ATP6V0A2: variants seen among roughly 807,000 people sequenced by gnomAD.
The protein encoded by ATP6V0A2 is V-type proton ATPase 116 kDa subunit a 2.
Under a neutral mutation model 104.4 loss-of-function variants are expected in ATP6V0A2, and 58 were observed. That is an observed-to-expected ratio of 0.56 (90% CI 0.45 to 0.69). The LOEUF (loss-of-function observed/expected upper bound fraction) is 0.69, where lower values mean the gene tolerates loss of function less well. ATP6V0A2 is among the 30% of genes least tolerant of loss of function. The pLI, the probability that ATP6V0A2 is intolerant of heterozygous loss-of-function variation, is 0.00. For missense variants in ATP6V0A2, 938 were observed against 1,062.9 expected (o/e 0.88, Z 1.63); for synonymous variants, 376 against 397.9 (o/e 0.95, Z 0.65).
In ATP6V0A2 at chr12:123,748,777, A is replaced by C; in HGVS notation, c.1927A>C (p.Thr643Pro). 6.2e-7 allele frequency: 1 copy of C among 1,613,874 alleles called. No individual in the cohort carries two copies. Among genetic ancestry groups the C allele is most frequent in the Non-Finnish European group, 8.5e-7 (1 of 1,179,822 alleles). ...FPASKTSGLYTGQEYVQRVLL... is the reference protein window; with the variant it reads ...FPASKTSGLYPGQEYVQRVLL... ...AGCCAGTAAAACAAGTGGCCTTTAC[A>C]CAGGGCAGGTGAGTCATCTTCCCAC... The change falls in exon 15 of 20, where the codon ACA (threonine) becomes CCA (proline). Residue 643 changes from threonine (T) to proline (P), a missense_variant. Transcript: ENST00000330342.
Position 123,747,582 on chromosome 12 carries a change from TTTGTC to T in ATP6V0A2, c.1606-20_1606-16del, listed in dbSNP as rs1273756455. On this transcript the variant is annotated intron_variant, in intron 13 of 19. Transcript: ENST00000330342. ...TGTTGAAGGAAGTTAAAGATTCTGTTTTGTCTTGTTTGGTTTGGTTTTAGATTTGG... is the reference window on the plus strand; with the variant it reads ...TGTTGAAGGAAGTTAAAGATTCTGTTTTGTTTGGTTTGGTTTTAGATTTGG... 6.9e-7 allele frequency: 1 copy of T among 1,458,096 alleles called. No homozygotes were observed. The highest frequency in any genetic ancestry group is 1.4e-5 in the African/African-American group (1 of 71,784). The allele number at this position is 1,458,096 out of a possible 1,614,324, so 90.3% of individuals were successfully genotyped here. A position where few individuals can be genotyped will look rare whatever the true frequency, so the allele number is the denominator to read the frequency against.
chr12:123,720,029 T>G (rs745775995), intron 2 of ATP6V0A2, among the ~76,000 whole-genome samples: 16 of 152,334 alleles, frequency 1.1e-4, no homozygotes, highest in Non-Finnish European at 1.8e-4. Context: ...ATAAACTTAC[T>G]CACCTGACTT....
At chr12:123,748,519 C>T in intron 14 of ATP6V0A2, 56 bp from the exon 15 acceptor site, 1 of 1,347,824 alleles carries the variant, frequency 7.4e-7, no homozygotes. Context: ...TTAATTTACT[C>T]TTTTTAACTT....
intron 1 of ATP6V0A2, among the ~76,000 whole-genome samples, chr12:123,714,197 G>T (rs1466613807): frequency 2.0e-5 from 3 of 152,214 alleles, no homozygotes; most frequent in Non-Finnish European, 4.4e-5. Context: ...CACTATGAAG[G>T]TTCCAGTTTC....
intron 14 of ATP6V0A2, 69 bp downstream of exon 14, chr12:123,747,794 G>C (rs1956676621): frequency 1.0e-6 from 1 of 987,538 alleles, no homozygotes; most frequent in Admixed American, 1.7e-5. Flanking sequence ...TTTGCTTCTT[G>C]TTGGTGACTG....
At position 123,712,642 on chromosome 12, in the gene ATP6V0A2, T is replaced by TC. The variant is rs745590426; in HGVS notation, c.78dup (p.Ser27GlnfsTer28). 2.6e-5 allele frequency: 42 copies of TC among 1,609,176 alleles called. No homozygotes were observed. Among genetic ancestry groups the TC allele is most frequent in the Non-Finnish European group, 3.2e-5 (38 of 1,178,542 alleles). On this transcript the variant is annotated frameshift_variant, in exon 1 of 20. Transcript: ENST00000330342. LOFTEE classifies it high-confidence loss of function. ...CAGTCGGGCACGGCCTACGAGTGCC[T>TC]CAGCGCCCTGGGCGAGAAAGGCCTG... is the stretch of plus-strand genomic sequence containing the variant.
chr12:123,735,223 C>T (rs1210076425), intron 7 of ATP6V0A2, among the ~76,000 whole-genome samples: 1 of 151,616 alleles, frequency 6.6e-6, no homozygotes, highest in African/African-American at 2.4e-5. Flanking sequence ...TAAACCTGTT[C>T]AGTGATTCCC....
chr12:123,737,860 ATTCTT>A (rs1462919244), intron 9 of ATP6V0A2, among the ~76,000 whole-genome samples: 1 of 152,200 alleles, frequency 6.6e-6, no homozygotes, highest in African/African-American at 2.4e-5. Flanking sequence ...TATTCATACT[ATTCTT>A]TTCACTTAAT....
Position 123,756,891 on chromosome 12 carries a change from G to A in ATP6V0A2, c.2370G>A (p.Leu790=). The part of the protein sequence containing the change: ...RVDTTYGVLL[L]LPVIALFAVL... The stretch of plus-strand genomic sequence containing the variant: ...ACACCACCTATGGCGTCTTGCTACT[G>A]CTCCCGGTTATCGCGCTCTTTGCAG... The change falls in exon 19 of 20, where the codon CTG becomes CTA. Residue 790 remains leucine (L), a synonymous_variant. Coordinates refer to ENST00000330342, the MANE Select transcript of ATP6V0A2 (RefSeq NM_012463.4). The A allele has an allele frequency of 6.2e-7, 1 of 1,614,202 alleles. No individual in the cohort carries two copies. The highest frequency in any genetic ancestry group is 8.5e-7 in the Non-Finnish European group (1 of 1,180,050).
chr12:123,745,430 TG>T (rs2135911121), intron 13 of ATP6V0A2, among the ~76,000 whole-genome samples: 1 of 151,808 alleles, frequency 6.6e-6, no homozygotes, highest in African/African-American at 2.4e-5. Flanking sequence ...AGAAAGAAAA[TG>T]GGGAAGTACT....
chr12:123,750,255 C>A (rs1956701868), intron 15 of ATP6V0A2: 1 of 152,264 alleles, frequency 6.6e-6, no homozygotes, highest in Admixed American at 6.5e-5. Context: ...GTGTCATCCC[C>A]TGTTACTGGT....
Position 123,733,959 on chromosome 12 carries a change from T to A in ATP6V0A2, c.682T>A (p.Ser228Thr). The change falls in exon 7 of 20, where the codon TCC (serine) becomes ACC (threonine). Residue 228 changes from serine (S) to threonine (T), a missense_variant. Transcript: ENST00000330342. Reference protein sequence around the residue: ...EVIKWYVFLISFWGEQIGHKV... With the variant: ...EVIKWYVFLITFWGEQIGHKV... ...CATAAAATGGTATGTCTTTTTAATA[T>A]CCTTTTGGGGAGAGCAGATTGGCCA... is the stretch of plus-strand genomic sequence containing the variant. 1 of 1,613,490 alleles carries A rather than the reference T, an allele frequency of 6.2e-7. No individual in the cohort carries two copies. The highest frequency in any genetic ancestry group is 8.5e-7 in the Non-Finnish European group (1 of 1,179,408).
At chr12:123,719,849 G>A (rs1376310488) in intron 2 of ATP6V0A2, among the ~76,000 whole-genome samples, 1 of 152,068 alleles carries the variant, frequency 6.6e-6, no homozygotes, top group Non-Finnish European at 1.5e-5. Context: ...AACAAACTTT[G>A]CCTACGGCCT....
chr12:123,715,935 G>A (rs1296035930), intron 1 of ATP6V0A2, among the ~76,000 whole-genome samples: 1 of 152,058 alleles, frequency 6.6e-6, no homozygotes, highest in Non-Finnish European at 1.5e-5. Flanking sequence ...GTAGAGGGAA[G>A]AGTACAGTGT....
At position 123,726,369 on chromosome 12, in the gene ATP6V0A2, G is replaced by C; in HGVS notation, c.521+84G>C. On this transcript the variant is annotated intron_variant, in intron 5 of 19. Transcript: ENST00000330342. The stretch of plus-strand genomic sequence containing the variant: ...GAGCTCCATAGAAGGGATGAATGGA[G>C]ACCATTTTAAAGCCTAGGGTTGAAT... 9 of 971,950 alleles carry C rather than the reference G, an allele frequency of 9.3e-6. No individual in the cohort carries two copies. In the South Asian group the frequency reaches 1.0e-4, roughly 11 times the overall value. 60.2% of individuals were successfully genotyped at this position (971,950 alleles called of 1,614,324 possible).
At position 123,744,334 on chromosome 12, in the gene ATP6V0A2, A is replaced by G. The variant is rs985944979; in HGVS notation, c.1323A>G (p.Gln441=). ...ATCATCCCAGACTAAATCAGTCACA[A>G]GAGGTAAAAATATAAACACTCCAGC... ...NENHPRLNQS[Q]EIMRMFFNGR... Residue 441 remains glutamine (Q), a synonymous_variant, in exon 11 of 20, where the codon CAA becomes CAG. Coordinates refer to ENST00000330342, the MANE Select transcript of ATP6V0A2 (RefSeq NM_012463.4). The surrounding 1 kb of genome is among the most constrained non-coding windows in gnomAD (Gnocchi z 5.4). The G allele has an allele frequency of 2.5e-5, 41 of 1,614,064 alleles. No individual in the cohort carries two copies. Among genetic ancestry groups the G allele is most frequent in the Non-Finnish European group, 3.5e-5 (41 of 1,180,040 alleles).
intron 6 of ATP6V0A2, 59 bp from the exon 7 acceptor site, chr12:123,733,867 C>T (rs370689130): frequency 3.3e-5 from 42 of 1,261,120 alleles, no homozygotes; most frequent in Non-Finnish European, 3.7e-5. Context: ...TTTGAGCTGC[C>T]GAAGTTCTAG....
chr12:123,718,508 C>A, intron 1 of ATP6V0A2, 115 bp from the exon 2 acceptor site: 1 of 701,116 alleles, frequency 1.4e-6, no homozygotes, highest in Non-Finnish European at 2.4e-6. Flanking sequence ...TTTATAGTTT[C>A]ATTCAATAGT....
chr12:123,729,709 G>A (rs1245605016), intron 6 of ATP6V0A2, among the ~76,000 whole-genome samples: 1 of 152,152 alleles, frequency 6.6e-6, no homozygotes, highest in Non-Finnish European at 1.5e-5. Flanking sequence ...TTGAGGAAAG[G>A]TTGTTTTTTT....
Sources: allele counts gnomAD v4.1 joint callset (sites outside exome capture counted in the v4.1 genomes callset), GRCh38; gene constraint gnomAD v4.1.1; non-coding constraint Gnocchi (gnomAD v3.1); transcripts MANE v1.5; gene names NCBI Gene and HGNC (gene_info 2026-07-23, HGNC 2026-07-21).